Variants in RFX8 observed in about 807,000 individuals in gnomAD.
RFX8 encodes the protein DNA-binding protein RFX8.
RFX8 carries 46 observed loss-of-function variants against 54.6 expected under a neutral mutation model. The ratio of observed to expected loss-of-function variants is 0.84; its 90% CI spans 0.67 to 1.08. The LOEUF (loss-of-function observed/expected upper bound fraction) is 1.08, where lower values mean the gene tolerates loss of function less well. Among genes scored for constraint, RFX8 ranks in the 50% least tolerant of loss-of-function variants. The pLI is 0.00. For synonymous variants in RFX8, 192 were observed against 209.5 expected, an observed-to-expected ratio of 0.92 and a Z score of 0.72; for missense variants, 536 against 562.3, an observed-to-expected ratio of 0.95 and a Z score of 0.47.
At chr2:101,443,835 G>C (rs953794089) in intron 2 of RFX8, among the ~76,000 whole-genome samples, 1 of 152,156 alleles carries the variant, frequency 6.6e-6, no homozygotes. Context: ...GTAGGGGGCT[G>C]CAACCCTCTT....
At chr2:101,414,735 G>T in intron 7 of RFX8, 119 bp downstream of exon 7, 1 of 736,430 alleles carries the variant, frequency 1.4e-6, no homozygotes, top group African/African-American at 1.7e-5. Context: ...AGGCCACCCT[G>T]CCTGCCCTCT....
intron 2 of RFX8, among the ~76,000 whole-genome samples, chr2:101,440,930 G>T (rs1266393811): frequency 6.7e-6 from 1 of 149,320 alleles, no homozygotes; most frequent in African/African-American, 2.5e-5. Context: ...CCTTGTTATG[G>T]TTTGAATATT....
chr2:101,408,212 G>A (rs569369510), intron 9 of RFX8, among the ~76,000 whole-genome samples: 2 of 152,246 alleles, frequency 1.3e-5, no homozygotes, highest in Admixed American at 6.5e-5. Flanking sequence ...CTGGCCGGGC[G>A]CGGTGGCTCA....
intron 2 of RFX8, among the ~76,000 whole-genome samples, chr2:101,453,349 C>A (rs72981051): frequency 6.6e-6 from 1 of 150,890 alleles, no homozygotes; most frequent in Admixed American, 6.6e-5. Flanking sequence ...ATTTAAATCT[C>A]GATGTTGGCC....
intron 9 of RFX8, among the ~76,000 whole-genome samples, chr2:101,406,547 G>A (rs917673515): frequency 1.3e-5 from 2 of 152,014 alleles, no homozygotes. Context: ...TCACTATGTT[G>A]CTCAAGCTGG....
chr2:101,433,504 C>A (rs1022731422), intron 2 of RFX8, among the ~76,000 whole-genome samples: 3 of 152,236 alleles, frequency 2.0e-5, no homozygotes, highest in African/African-American at 7.2e-5. Flanking sequence ...CATAACTCAT[C>A]TTGTTTCTTT....
At chr2:101,435,174 GC>G in intron 2 of RFX8, 2 of 152,568 alleles carry the variant, frequency 1.3e-5, no homozygotes, top group South Asian at 4.1e-4. Context: ...CCGCCAGGCA[GC>G]CCCCTGAGCT....
intron 9 of RFX8, among the ~76,000 whole-genome samples, chr2:101,407,939 C>A (rs778653307): frequency 2.8e-4 from 42 of 152,198 alleles, no homozygotes; most frequent in Non-Finnish European, 5.4e-4. Context: ...CTCTGACAAG[C>A]CCAAAGGTGT....
chr2:101,397,774 A>G (rs1685209943), intron 11 of RFX8, 50 bp from the exon 12 acceptor site: 1 of 1,442,188 alleles, frequency 6.9e-7, no homozygotes, highest in Admixed American at 2.5e-5. Context: ...GACAGATACT[A>G]TTCCTTGTTG....
At chr2:101,416,370 C>T (rs540312632) in intron 6 of RFX8, among the ~76,000 whole-genome samples, 4 of 152,150 alleles carry the variant, frequency 2.6e-5, no homozygotes, top group East Asian at 1.9e-4. Context: ...CCTTCTGCAA[C>T]GTCCCTAAAA....
At chr2:101,447,471 G>C (rs1688453043) in intron 2 of RFX8, among the ~76,000 whole-genome samples, 1 of 152,156 alleles carries the variant, frequency 6.6e-6, no homozygotes, top group African/African-American at 2.4e-5. Context: ...TCTGGTAAAA[G>C]TTTGCTCTTT....
intron 2 of RFX8, among the ~76,000 whole-genome samples, chr2:101,444,782 T>A (rs1446656410): frequency 6.6e-6 from 1 of 152,164 alleles, no homozygotes; most frequent in African/African-American, 2.4e-5. Flanking sequence ...AATAAATACA[T>A]CAAAGTACAG....
chr2:101,419,712 C>T (rs970504731), intron 4 of RFX8, among the ~76,000 whole-genome samples: 2 of 152,194 alleles, frequency 1.3e-5, no homozygotes, highest in Non-Finnish European at 2.9e-5. Flanking sequence ...GGCGCTGGCC[C>T]CATGCCTAGG....
intron 2 of RFX8, among the ~76,000 whole-genome samples, chr2:101,449,671 A>G (rs1364752460): frequency 7.2e-5 from 11 of 152,164 alleles, no homozygotes; most frequent in Admixed American, 7.2e-4. Flanking sequence ...TGTCCAGTAG[A>G]GAGCCAGGGA....
chr2:101,419,215 G>A (rs1435336316), intron 4 of RFX8, among the ~76,000 whole-genome samples: 1 of 152,174 alleles, frequency 6.6e-6, no homozygotes, highest in Non-Finnish European at 1.5e-5. Flanking sequence ...GCAGTTTCTA[G>A]AAGGGAAGCT....
At chr2:101,421,850 T>C in intron 3 of RFX8, 73 bp from the exon 4 acceptor site, 1 of 1,167,676 alleles carries the variant, frequency 8.6e-7, no homozygotes, top group South Asian at 1.4e-5. Flanking sequence ...CAGACTTTTC[T>C]GAAGCTCTCA....
At chr2:101,430,578 G>A (rs903717821) in intron 2 of RFX8, among the ~76,000 whole-genome samples, 1 of 152,278 alleles carries the variant, frequency 6.6e-6, no homozygotes, top group African/African-American at 2.4e-5. Context: ...GCCCTCACCA[G>A]AAACCAAATT....
At chr2:101,442,684 A>G (rs1558873335) in intron 2 of RFX8, among the ~76,000 whole-genome samples, 1 of 151,870 alleles carries the variant, frequency 6.6e-6, no homozygotes, top group African/African-American at 2.4e-5. Flanking sequence ...TTTGTTTTCA[A>G]AAGCTTAATT....
intron 2 of RFX8, among the ~76,000 whole-genome samples, chr2:101,457,067 T>C (rs1320381298): frequency 1.3e-5 from 2 of 152,214 alleles, no homozygotes; most frequent in Non-Finnish European, 2.9e-5. Context: ...TTTATCATTG[T>C]TTATTGCATC....
Sources: allele counts gnomAD v4.1 joint callset (sites outside exome capture counted in the v4.1 genomes callset), GRCh38; gene constraint gnomAD v4.1.1; transcripts MANE v1.5; gene names NCBI Gene and HGNC (gene_info 2026-07-23, HGNC 2026-07-21).